The following MTUS2 variants were observed in gnomAD, a reference collection of about 807,000 sequenced individuals.
MTUS2 encodes microtubule-associated tumor suppressor candidate 2.
In MTUS2, 40 loss-of-function variants were observed where a neutral mutation model predicts 114.1. The ratio of observed to expected loss-of-function variants is 0.35; its 90% confidence interval spans 0.27 to 0.46. MTUS2 has a LOEUF of 0.46. MTUS2 is among the 20% of genes least tolerant of loss of function. The pLI, the probability that MTUS2 is intolerant of heterozygous loss-of-function variation, is 1.00. For synonymous variants in MTUS2, 688 were observed against 672.0 expected (o/e 1.02, Z -0.37); for missense variants, 1,679 against 1,705.4 (o/e 0.98, Z 0.27).
chr13:29,484,952 G>A (rs926476657), intron 10 of MTUS2: 2 of 152,250 alleles, frequency 1.3e-5, no homozygotes, highest in African/African-American at 2.4e-5. Flanking sequence ...GAATGGAGTC[G>A]TGTCACAGGG....
At chr13:29,203,668 A>G (rs1164642059) in intron 5 of MTUS2, among the ~76,000 whole-genome samples, 1 of 152,044 alleles carries the variant, frequency 6.6e-6, no homozygotes, top group Non-Finnish European at 1.5e-5. Context: ...ACCCAAGGGA[A>G]TCTCCTGGTC....
intron 8 of MTUS2, among the ~76,000 whole-genome samples, chr13:29,363,073 A>C (rs143478131): frequency 6.6e-6 from 1 of 150,480 alleles, no homozygotes; most frequent in African/African-American, 2.5e-5. Context: ...CAGACCCCCA[A>C]GTGGTGTAGT....
At chr13:29,355,345 C>T (rs1869648999) in intron 7 of MTUS2, among the ~76,000 whole-genome samples, 1 of 151,996 alleles carries the variant, frequency 6.6e-6, no homozygotes, top group Admixed American at 6.5e-5. Flanking sequence ...ATTCTATCTT[C>T]TCCTAACCAG....
At chr13:29,495,074 C>T (rs1304122733) in intron 12 of MTUS2, among the ~76,000 whole-genome samples, 1 of 150,296 alleles carries the variant, frequency 6.7e-6, no homozygotes, top group East Asian at 2.0e-4. Flanking sequence ...ATCCCAGCTA[C>T]TCGGGAGGCT....
intron 4 of MTUS2, among the ~76,000 whole-genome samples, chr13:29,034,346 C>T (rs1886966665): frequency 6.6e-6 from 1 of 152,192 alleles, no homozygotes; most frequent in Non-Finnish European, 1.5e-5. Flanking sequence ...TTACTACCAT[C>T]CAGCTTTTCA....
chr13:29,082,495 A>T (rs1447863437), intron 4 of MTUS2, among the ~76,000 whole-genome samples: 1 of 152,166 alleles, frequency 6.6e-6, no homozygotes, highest in Non-Finnish European at 1.5e-5. Flanking sequence ...TACATAGCCA[A>T]ATCTTAAAGG....
chr13:29,308,426 A>G (rs1899586423), intron 6 of MTUS2, among the ~76,000 whole-genome samples: 1 of 152,246 alleles, frequency 6.6e-6, no homozygotes, highest in Admixed American at 6.5e-5. Context: ...AAAGACTTAA[A>G]TGTAAAACTC....
Position 28,856,300 on chromosome 13 carries a change from T to G in MTUS2, c.-243+16450T>G, listed in dbSNP as rs146759641. ...ACATTTAGGCACACTAAGTATTGTT[T>G]GAGTAAACGGATGGCTGCATATGTA... On this transcript the variant is annotated intron_variant, in intron 2 of 15. Coordinates refer to ENST00000612955, the MANE Select transcript of MTUS2 (RefSeq NM_001033602.4). Among the ~76,000 whole-genome samples, 128 of 152,356 alleles carry G rather than the reference T, an allele frequency of 8.4e-4. 1 individual carries two copies. In the East Asian group the frequency reaches 0.019, roughly 23 times the overall value.
At chr13:29,173,994 T>C (rs539991299) in intron 5 of MTUS2, among the ~76,000 whole-genome samples, 4 of 152,092 alleles carry the variant, frequency 2.6e-5, no homozygotes, top group Non-Finnish European at 5.9e-5. Flanking sequence ...AAATATGGAC[T>C]CCTACACCCT....
intron 4 of MTUS2, among the ~76,000 whole-genome samples, chr13:29,047,193 G>A (rs1304872608): frequency 6.6e-6 from 1 of 152,136 alleles, no homozygotes; most frequent in African/African-American, 2.4e-5. Context: ...GTGTAACCTT[G>A]CAGAAATTAT....
intron 2 of MTUS2, among the ~76,000 whole-genome samples, chr13:28,937,580 A>G (rs1181966239): frequency 1.3e-5 from 2 of 152,086 alleles, no homozygotes; most frequent in Non-Finnish European, 2.9e-5. Flanking sequence ...GATACCAAGA[A>G]CCCACTGGAA....
intron 9 of MTUS2, among the ~76,000 whole-genome samples, chr13:29,456,965 GTC>G (rs1387861475): frequency 1.3e-5 from 2 of 150,938 alleles, no homozygotes; most frequent in Admixed American, 6.6e-5. Context: ...GTGAAACCCC[GTC>G]TCTACTAAAA....
chr13:29,063,213 G>C (rs1306635123), intron 4 of MTUS2, among the ~76,000 whole-genome samples: 4 of 152,084 alleles, frequency 2.6e-5, no homozygotes, highest in African/African-American at 9.7e-5. Context: ...TCTTTCTTCA[G>C]AAAAACCTCC....
intron 4 of MTUS2, among the ~76,000 whole-genome samples, chr13:29,095,813 A>T (rs1890154747): frequency 6.6e-6 from 1 of 151,168 alleles, no homozygotes; most frequent in Admixed American, 6.6e-5. Context: ...TAAACTTTCC[A>T]TTTGGTTTTT....
At chr13:29,442,620 T>A (rs914817696) in intron 9 of MTUS2, among the ~76,000 whole-genome samples, 2 of 126,538 alleles carry the variant, frequency 1.6e-5, no homozygotes, top group African/African-American at 3.0e-5. Context: ...AAACTCTGAA[T>A]CCCCCAAACC....
chr13:29,011,570 A>T (rs554896299), intron 2 of MTUS2, among the ~76,000 whole-genome samples: 2 of 152,346 alleles, frequency 1.3e-5, no homozygotes, highest in Admixed American at 1.3e-4. Flanking sequence ...TCTCCCCAGC[A>T]TATATCATTT....
chr13:29,299,231 G>C (rs765412622), intron 6 of MTUS2, among the ~76,000 whole-genome samples: 23 of 152,152 alleles, frequency 1.5e-4, no homozygotes, highest in Admixed American at 4.6e-4. Flanking sequence ...GTCTTAGATG[G>C]TCTGTCTGCT....
chr13:29,368,032 G>A (rs139934150), intron 8 of MTUS2, among the ~76,000 whole-genome samples: 2,240 of 149,494 alleles, frequency 0.015, 64 homozygotes, highest in African/African-American at 0.051. Context: ...TCCACCTTCC[G>A]GGTTCACACC....
chr13:29,495,794 C>G (rs558184281), intron 12 of MTUS2, among the ~76,000 whole-genome samples: 1 of 152,154 alleles, frequency 6.6e-6, no homozygotes, highest in Non-Finnish European at 1.5e-5. Context: ...TCACTTGAGT[C>G]TGGGAGGTGG....
Sources: gnomAD v4.1 joint callset for allele counts (sites outside exome capture counted in the v4.1 genomes callset) on GRCh38, gnomAD v4.1.1 for gene constraint, MANE v1.5 for transcripts, NCBI Gene and HGNC (gene_info 2026-07-23, HGNC 2026-07-21) for gene names.